Variants in ATP8A1 observed in about 807,000 individuals in gnomAD.
The protein encoded by ATP8A1 is phospholipid-transporting ATPase IA.
A neutral mutation model predicts 177.7 loss-of-function variants in ATP8A1; 90 were observed. The ratio of observed to expected loss-of-function variants is 0.51; its 90% CI spans 0.43 to 0.60. The LOEUF (loss-of-function observed/expected upper bound fraction) is 0.60. Among genes scored for constraint, ATP8A1 ranks in the 20% least tolerant of loss-of-function variants. The pLI, the probability that ATP8A1 is intolerant of heterozygous loss-of-function variation, is 0.00. For synonymous variants in ATP8A1, 493 were observed against 485.9 expected (o/e 1.01, Z -0.19); for missense variants, 1,072 against 1,392.8 (o/e 0.77, Z 3.67).
intron 1 of ATP8A1, among the ~76,000 whole-genome samples, chr4:42,647,334 A>G (rs972139300): frequency 2.6e-5 from 4 of 152,224 alleles, no homozygotes; most frequent in Non-Finnish European, 1.5e-5. Context: ...GGTATAATTT[A>G]CAACTATGCT....
intron 7 of ATP8A1, among the ~76,000 whole-genome samples, chr4:42,589,369 C>T (rs1306130160): frequency 6.6e-6 from 1 of 152,144 alleles, no homozygotes; most frequent in African/African-American, 2.4e-5. Context: ...TTACAAATTA[C>T]AAACACCTGG....
intron 13 of ATP8A1, 50 bp from the exon 14 acceptor site, chr4:42,574,757 C>T: frequency 7.6e-7 from 1 of 1,311,594 alleles, no homozygotes; most frequent in African/African-American, 1.5e-5. Flanking sequence ...CTTTATGCCA[C>T]TCTTTTACAG....
At chr4:42,554,248 G>C (rs1729815362) in intron 16 of ATP8A1, among the ~76,000 whole-genome samples, 1 of 152,166 alleles carries the variant, frequency 6.6e-6, no homozygotes, top group Non-Finnish European at 1.5e-5. Flanking sequence ...CTGGACTGGG[G>C]TGGTGAAAAT....
intron 1 of ATP8A1, among the ~76,000 whole-genome samples, chr4:42,636,156 A>ACACGCGCGCGTGCGCGCGCG (rs565139270): frequency 0.025 from 2,277 of 90,948 alleles, 55 homozygotes; most frequent in Non-Finnish European, 0.038. Flanking sequence ...ACACACACAC[A>ACACGCGCGCGTGCGCGCGCG]CGCACACACA....
At chr4:42,549,181 C>CAG in intron 18 of ATP8A1, 119 bp from the exon 19 acceptor site, 2 of 741,998 alleles carry the variant, frequency 2.7e-6, no homozygotes, top group Non-Finnish European at 4.5e-6. Context: ...ATTTTCCCTG[C>CAG]TGAAATATGG....
chr4:42,606,208 G>A (rs1735784734), intron 5 of ATP8A1, among the ~76,000 whole-genome samples: 4 of 152,214 alleles, frequency 2.6e-5, no homozygotes, highest in Admixed American at 1.3e-4. Flanking sequence ...TTCACAGGAT[G>A]TATTCACAGA....
At chr4:42,581,777 G>T (rs1733105698) in intron 9 of ATP8A1, 45 bp from the exon 10 acceptor site, 1 of 1,394,142 alleles carries the variant, frequency 7.2e-7, no homozygotes, top group Non-Finnish European at 1.0e-6. Flanking sequence ...TTTCTAAAAT[G>T]CTTAAGAACT....
At chr4:42,636,158 G>GCGCGTGCGCGCGCGCGCA (rs1482172817) in intron 1 of ATP8A1, among the ~76,000 whole-genome samples, 38 of 23,766 alleles carry the variant, frequency 1.6e-3, no homozygotes, top group African/African-American at 4.0e-3. Context: ...ACACACACAC[G>GCGCGTGCGCGCGCGCGCA]CACACACACA....
At chr4:42,601,121 C>T (rs1233360681) in intron 5 of ATP8A1, among the ~76,000 whole-genome samples, 10 of 149,432 alleles carry the variant, frequency 6.7e-5, no homozygotes, top group African/African-American at 2.2e-4. Flanking sequence ...CTGCAACCTC[C>T]GCCTCCCAGG....
In ATP8A1 at chr4:42,491,921, T is replaced by C. The variant is rs151101202; in HGVS notation, c.2152-6253A>G. 2.8e-3 allele frequency among the ~76,000 whole-genome samples: 433 copies of C among 152,268 alleles called. 4 individuals are homozygous for C. Among genetic ancestry groups the C allele is most frequent in the African/African-American group, 8.8e-3 (364 of 41,554 alleles). On this transcript the variant is annotated intron_variant, in intron 24 of 36. Transcript: ENST00000381668. ...AAAGGAAAAGCATAGCCTCTAGAAT[T>C]TGACTCCATGACTCGTTAGCCAGGG...
intron 18 of ATP8A1, among the ~76,000 whole-genome samples, chr4:42,550,956 A>G (rs1433964944): frequency 2.6e-5 from 4 of 152,220 alleles, no homozygotes; most frequent in South Asian, 2.1e-4. Context: ...ATACACCCTC[A>G]TGTAACAGAA....
chr4:42,602,344 A>G (rs1735369279), intron 5 of ATP8A1, among the ~76,000 whole-genome samples: 1 of 152,202 alleles, frequency 6.6e-6, no homozygotes, highest in African/African-American at 2.4e-5. Context: ...GATGTTGCTC[A>G]TGGAGCAGTA....
In ATP8A1 at chr4:42,579,970, T is replaced by G; in HGVS notation, c.843A>C (p.Thr281=). 1 of 1,597,282 alleles carries G rather than the reference T, an allele frequency of 6.3e-7. No homozygotes were observed. The change falls in exon 11 of 37, where the codon ACA becomes ACC. Residue 281 remains threonine (T), a synonymous_variant. Coordinates refer to ENST00000381668, the MANE Select transcript of ATP8A1 (RefSeq NM_006095.2). The stretch of plus-strand genomic sequence containing the variant: ...CATTTGAGAGCTTAAGTGGTGGACT[T>G]GTTGAATTCTGTAAAAAGAAACAAG... ...GHDTKLMQNS[T]SPPLKLSNVE...
At chr4:42,611,241 C>T (rs756897957) in intron 5 of ATP8A1, among the ~76,000 whole-genome samples, 1 of 66,302 alleles carries the variant, frequency 1.5e-5, no homozygotes, top group African/African-American at 4.7e-5. Flanking sequence ...ATTGATGTAG[C>T]TCTGGGGAAG....
At chr4:42,418,337 G>A (rs1490175441) in intron 35 of ATP8A1, among the ~76,000 whole-genome samples, 1 of 144,298 alleles carries the variant, frequency 6.9e-6, no homozygotes, top group Non-Finnish European at 1.5e-5. Context: ...AAATAAAAAA[G>A]AATTATGAGT....
chr4:42,560,187 T>C (rs1304965066), intron 15 of ATP8A1, among the ~76,000 whole-genome samples: 1 of 152,180 alleles, frequency 6.6e-6, no homozygotes, highest in Non-Finnish European at 1.5e-5. Context: ...TATGCTTCAC[T>C]TTCTGTAAAA....
At chr4:42,528,188 A>G (rs1246587154) in intron 20 of ATP8A1, among the ~76,000 whole-genome samples, 2 of 152,214 alleles carry the variant, frequency 1.3e-5, no homozygotes, top group African/African-American at 2.4e-5. Flanking sequence ...CCCTGATGCC[A>G]GAATGCATAA....
At chr4:42,619,654 T>C (rs191285867) in intron 4 of ATP8A1, among the ~76,000 whole-genome samples, 2 of 151,572 alleles carry the variant, frequency 1.3e-5, no homozygotes, top group Non-Finnish European at 2.9e-5. Flanking sequence ...TCTATATATA[T>C]AGAGAGATTT....
chr4:42,636,854 T>C (rs1402381186), intron 1 of ATP8A1, among the ~76,000 whole-genome samples: 1 of 152,180 alleles, frequency 6.6e-6, no homozygotes, highest in Non-Finnish European at 1.5e-5. Flanking sequence ...CAATTTGCCA[T>C]CTGGAGAGAT....
Sources: gnomAD v4.1 joint callset for allele counts (sites outside exome capture counted in the v4.1 genomes callset) on GRCh38, gnomAD v4.1.1 for gene constraint, MANE v1.5 for transcripts, NCBI Gene and HGNC (gene_info 2026-07-23, HGNC 2026-07-21) for gene names.